CMTM4: variants seen among roughly 807,000 people sequenced by gnomAD.
The protein encoded by CMTM4 is CKLF-like MARVEL transmembrane domain-containing protein 4.
A neutral mutation model predicts 19.0 loss-of-function variants in CMTM4; 8 were observed. The ratio of observed to expected loss-of-function variants is 0.42; its 90% CI spans 0.25 to 0.76. The LOEUF is 0.76. Ranked by LOEUF, CMTM4 falls within the 30% of genes least tolerant of loss-of-function variation. The pLI, the probability that CMTM4 is intolerant of heterozygous loss-of-function variation, is 0.27. For synonymous variants in CMTM4, 106 were observed against 121.1 expected, an observed-to-expected ratio of 0.88 and a Z score of 0.82; for missense variants, 228 against 290.2, an observed-to-expected ratio of 0.79 and a Z score of 1.56.
intron 1 of CMTM4, among the ~76,000 whole-genome samples, chr16:66,679,472 C>T (rs1421152679): frequency 6.6e-6 from 1 of 151,962 alleles, no homozygotes; most frequent in Non-Finnish European, 1.5e-5. Flanking sequence ...GGCTGGAGAC[C>T]CCCCCAGGAG....
At chr16:66,608,377 G>C in the CMTM4 span, 2 of 1,614,110 alleles carry the variant, frequency 1.2e-6, no homozygotes, top group African/African-American at 2.7e-5. The surrounding 1 kb of genome is among the most constrained non-coding windows in gnomAD (Gnocchi z 5.1). Context: ...CAGCGCCTCT[G>C]CTGGAGTTCC....
downstream of CMTM4, among the ~76,000 whole-genome samples, chr16:66,612,399 AAAAG>A (rs2015412112): frequency 6.6e-6 from 1 of 152,120 alleles, no homozygotes; most frequent in African/African-American, 2.4e-5. The surrounding 1 kb of genome is among the most constrained non-coding windows in gnomAD (Gnocchi z 6.0). Context: ...CAACAAAAAA[AAAAG>A]AGAGAGAGAA....
chr16:66,656,707 A>T (rs1021074745), intron 1 of CMTM4, among the ~76,000 whole-genome samples: 1 of 151,994 alleles, frequency 6.6e-6, no homozygotes, highest in Non-Finnish European at 1.5e-5. Context: ...CATCCCCTTA[A>T]CCAGGTTAAG....
intron 1 of CMTM4, among the ~76,000 whole-genome samples, chr16:66,681,475 C>A (rs2016913318): frequency 1.3e-5 from 2 of 152,022 alleles, no homozygotes; most frequent in African/African-American, 2.4e-5. Context: ...CGCCACCACG[C>A]CCAGCTAATT....
intron 1 of CMTM4, among the ~76,000 whole-genome samples, chr16:66,684,707 TAAAC>T (rs759141607): frequency 4.6e-5 from 7 of 152,200 alleles, no homozygotes; most frequent in Non-Finnish European, 1.0e-4. Flanking sequence ...TCCAAATACT[TAAAC>T]AAGCAGTATC....
intron 1 of CMTM4, among the ~76,000 whole-genome samples, chr16:66,683,131 A>ATATATATATATATGTATATATATATACG (rs2016947950): frequency 8.7e-6 from 1 of 115,196 alleles, no homozygotes; most frequent in Non-Finnish European, 1.8e-5. Context: ...GTGTGTGTGT[A>ATATATATATATATGTATATATATATACG]TATATATATA....
chr16:66,609,299 T>C, the CMTM4 span: 2 of 703,918 alleles, frequency 2.8e-6, no homozygotes, highest in South Asian at 1.7e-5. The surrounding 1 kb of genome is among the most constrained non-coding windows in gnomAD (Gnocchi z 4.4). Flanking sequence ...GGCCTAGGCA[T>C]GTGGGTGGGG....
intron 1 of CMTM4, among the ~76,000 whole-genome samples, chr16:66,670,398 G>C (rs1457295749): frequency 6.9e-6 from 1 of 143,938 alleles, no homozygotes. Flanking sequence ...AGGCTGCAGC[G>C]AGCCAAGATC....
the CMTM4 span, among the ~76,000 whole-genome samples, chr16:66,599,658 G>A: frequency 6.6e-6 from 1 of 152,060 alleles, no homozygotes; most frequent in Admixed American, 6.5e-5. Flanking sequence ...ACCACACGTG[G>A]CCCTCAAGAT....
At chr16:66,642,615 C>G (rs1457120624) in intron 1 of CMTM4, among the ~76,000 whole-genome samples, 1 of 152,120 alleles carries the variant, frequency 6.6e-6, no homozygotes, top group Non-Finnish European at 1.5e-5. Context: ...AGGCAGGAGG[C>G]TGAGGCATGA....
At chr16:66,612,620 G>A (rs1313149008), downstream of CMTM4, 12 of 1,613,924 alleles carry the variant, frequency 7.4e-6, no homozygotes, top group African/African-American at 8.0e-5. The surrounding 1 kb of genome is among the most constrained non-coding windows in gnomAD (Gnocchi z 6.0). Context: ...AGAGAATTCC[G>A]ACTCGGACTC....
chr16:66,630,750 C>T (rs1167970841), intron 2 of CMTM4, among the ~76,000 whole-genome samples: 1 of 151,552 alleles, frequency 6.6e-6, no homozygotes. Flanking sequence ...AGCCTCTGCC[C>T]GGCCGCCCAT....
At chr16:66,607,379 T>C in the CMTM4 span, among the ~76,000 whole-genome samples, 24 of 152,208 alleles carry the variant, frequency 1.6e-4, no homozygotes, top group Non-Finnish European at 1.6e-4. Flanking sequence ...CAGCAGGGCC[T>C]GAGGTGTCAG....
intron 2 of CMTM4, among the ~76,000 whole-genome samples, chr16:66,627,785 G>C (rs1333446186): frequency 2.6e-5 from 4 of 152,206 alleles, no homozygotes; most frequent in African/African-American, 7.2e-5. Context: ...TGGGACGAGA[G>C]ACTGAGAAAA....
intron 2 of CMTM4, among the ~76,000 whole-genome samples, chr16:66,626,866 G>A (rs993342305): frequency 6.6e-6 from 1 of 152,116 alleles, no homozygotes; most frequent in Admixed American, 6.5e-5. Flanking sequence ...TTGGGAGGCT[G>A]AGGTGGGTGG....
chr16:66,643,112 G>A (rs368102079), intron 1 of CMTM4, among the ~76,000 whole-genome samples: 1 of 152,064 alleles, frequency 6.6e-6, no homozygotes, highest in East Asian at 1.9e-4. Context: ...GTAGAGACAG[G>A]GTTTCGTCAT....
downstream of CMTM4, chr16:66,609,822 G>T: frequency 6.2e-7 from 1 of 1,614,150 alleles, no homozygotes; most frequent in South Asian, 1.1e-5. The surrounding 1 kb of genome is among the most constrained non-coding windows in gnomAD (Gnocchi z 4.4). Context: ...TGAGGCTGGG[G>T]CAGCAGCCTC....
intron 1 of CMTM4, among the ~76,000 whole-genome samples, chr16:66,668,754 T>C (rs2016649625): frequency 6.6e-6 from 1 of 152,218 alleles, no homozygotes; most frequent in Admixed American, 6.5e-5. Context: ...CTGGTATTTA[T>C]TTCTTTATAT....
chr16:66,654,029 C>G (rs1040054806), intron 1 of CMTM4, among the ~76,000 whole-genome samples: 7 of 152,160 alleles, frequency 4.6e-5, no homozygotes, highest in Admixed American at 1.3e-4. Flanking sequence ...GTGTGAGCCA[C>G]TGCACCCAGC....
Sources: gnomAD v4.1 joint callset for allele counts (sites outside exome capture counted in the v4.1 genomes callset) on GRCh38, gnomAD v4.1.1 for gene constraint, Gnocchi (gnomAD v3.1) non-coding constraint, MANE v1.5 for transcripts, NCBI Gene and HGNC (gene_info 2026-07-23, HGNC 2026-07-21) for gene names.